The following GDI2 variants were observed in gnomAD, a reference collection of about 807,000 sequenced individuals.
The protein encoded by GDI2 is GDP dissociation inhibitor 2.
GDI2 carries 22 observed loss-of-function variants against 54.2 expected under a neutral mutation model. That is an observed-to-expected ratio of 0.41 (90% CI 0.29 to 0.58). The LOEUF is 0.58. Among genes scored for constraint, GDI2 ranks in the 20% least tolerant of loss-of-function variants. The pLI, the probability that GDI2 is intolerant of heterozygous loss-of-function variation, is 0.35. For missense variants in GDI2, 422 were observed against 546.0 expected (o/e 0.77, Z 2.26); for synonymous variants, 177 against 182.1 (o/e 0.97, Z 0.23).
chr10:5,796,905 A>T, intron 2 of GDI2, 43 bp from the exon 3 acceptor site: 3 of 935,252 alleles, frequency 3.2e-6, no homozygotes, highest in Admixed American at 1.9e-5. Context: ...AACAAAATTT[A>T]ATTTTTTATT....
At chr10:5,810,660 TTA>T (rs1300967903) in intron 1 of GDI2, among the ~76,000 whole-genome samples, 2 of 152,200 alleles carry the variant, frequency 1.3e-5, no homozygotes, top group African/African-American at 4.8e-5. Flanking sequence ...ATCAAGTAAA[TTA>T]TGTTTCTTAG....
chr10:5,782,752 G>C (rs1381414898), intron 6 of GDI2, among the ~76,000 whole-genome samples: 1 of 152,172 alleles, frequency 6.6e-6, no homozygotes, highest in African/African-American at 2.4e-5. Context: ...TGACCAACAT[G>C]GTGAAACCCC....
At chr10:5,782,861 G>A (rs937015558) in intron 6 of GDI2, among the ~76,000 whole-genome samples, 4 of 152,112 alleles carry the variant, frequency 2.6e-5, no homozygotes, top group African/African-American at 9.7e-5. Context: ...GGAACCCAGG[G>A]GGTGGAGGTT....
At chr10:5,798,382 G>A (rs1841193991) in intron 2 of GDI2, among the ~76,000 whole-genome samples, 1 of 150,380 alleles carries the variant, frequency 6.6e-6, no homozygotes, top group Non-Finnish European at 1.5e-5. Context: ...GAGACCAGGA[G>A]ATCGAGACCA....
At chr10:5,780,870 A>G (rs969304303) in intron 6 of GDI2, among the ~76,000 whole-genome samples, 3 of 152,232 alleles carry the variant, frequency 2.0e-5, no homozygotes. Flanking sequence ...TCAAAATCCC[A>G]ACAAGCATGT....
chr10:5,795,015 C>G lies in GDI2; in HGVS notation c.258G>C (p.Gln86His), dbSNP rs1209851717. ...CTGTATAAAGCAGCATCTTAACCAG[C>G]TGACCTAGAAAAGTCACATAATTCA... is the stretch of plus-strand genomic sequence containing the variant. ...LIPKFLMANG[Q>H]LVKMLLYTEV... The change falls in exon 4 of 11, where the codon CAG becomes CAC. Residue 86 changes from glutamine to histidine, a missense_variant. By Grantham distance (24) the Gln-to-His change is conservative (BLOSUM62 0). Coordinates refer to ENST00000380191, the MANE Select transcript of GDI2 (RefSeq NM_001494.4). The G allele has an allele frequency of 1.3e-6, 2 of 1,579,174 alleles. No individual in the cohort carries two copies. The highest frequency in any genetic ancestry group is 1.7e-6 in the Non-Finnish European group (2 of 1,149,790).
chr10:5,794,219 ATATATATATATAT>A (rs1841095019), intron 4 of GDI2, among the ~76,000 whole-genome samples: 1 of 127,296 alleles, frequency 7.9e-6, no homozygotes, highest in Non-Finnish European at 1.7e-5. Flanking sequence ...ATATATATAT[ATATATATATATAT>A]AAAACTCACC....
At position 5,785,884 on chromosome 10, in the gene GDI2, A is replaced by G. The variant is rs969051128; in HGVS notation, c.555T>C (p.Thr185=). Residue 185 remains threonine, a synonymous_variant, in exon 5 of 11, where the codon ACT becomes ACC. Coordinates refer to ENST00000380191, the MANE Select transcript of GDI2 (RefSeq NM_001494.4). ...TTCTGTAAAGTGCAAGAGCATGACCAGTAAAATCTATAACGTCTTGACCCA... is the reference window on the plus strand; with the variant it reads ...TTCTGTAAAGTGCAAGAGCATGACCGGTAAAATCTATAACGTCTTGACCCA... ...FDLGQDVIDF[T]GHALALYRTD... is the part of the protein sequence containing the mutation. 25 of 1,610,288 alleles carry G rather than the reference A, an allele frequency of 1.6e-5. No homozygotes were observed. In the Admixed American group the frequency reaches 2.0e-4, roughly 13 times the overall value.
chr10:5,766,476 TA>T lies in GDI2; in HGVS notation c.1136+17del. Reference sequence around the variant, plus strand: ...GCCTCAGTTTGCATCTCGGCAGATATAAAAGAACACAACTCACTTCTGTTCA... The same window carrying T: ...GCCTCAGTTTGCATCTCGGCAGATATAAAGAACACAACTCACTTCTGTTCA... On this transcript the variant is annotated intron_variant, in intron 9 of 10. Transcript: ENST00000380191. The surrounding 1 kb of genome is among the most constrained non-coding windows in gnomAD (Gnocchi z 5.8). The T allele has an allele frequency of 1.1e-5, 18 of 1,612,460 alleles. No homozygotes were observed. Among genetic ancestry groups the T allele is most frequent in the Non-Finnish European group, 1.5e-5 (18 of 1,179,508 alleles).
chr10:5,795,935 T>G (rs1021270953), intron 3 of GDI2, among the ~76,000 whole-genome samples: 1 of 151,194 alleles, frequency 6.6e-6, no homozygotes. Context: ...AAAAAATTAA[T>G]AAAAACAAAC....
At position 5,778,922 on chromosome 10, in the gene GDI2, C is replaced by G. The variant is rs564824495; in HGVS notation, c.720-4981G>C. Among the ~76,000 whole-genome samples, 5 of 152,284 alleles carry G rather than the reference C, an allele frequency of 3.3e-5. No individual in the cohort carries two copies. The East Asian group carries it at 9.6e-4, about 29-fold the overall frequency. On this transcript the variant is annotated intron_variant, in intron 6 of 10. Transcript: ENST00000380191. ...AAAACCAACTTTTCAGAGGAAGAAT[C>G]CGGCATCTCAACAAACTATCAATTC...
chr10:5,798,616 A>G (rs1841199397), intron 2 of GDI2, among the ~76,000 whole-genome samples: 1 of 151,122 alleles, frequency 6.6e-6, no homozygotes, highest in African/African-American at 2.4e-5. Context: ...AAAATTCATG[A>G]CTCCCTCAAT....
rs769275618 is a variant in GDI2 at position 5,766,630 on chromosome 10, C to T, written c.1000G>A (p.Val334Ile). ...TTGTGCGCAAAGGAGATCATGCAGA[C>T]GTAGATATCTAGAAACAAATGATAC... is the stretch of plus-strand genomic sequence containing the variant. Reference protein sequence around the residue: ...NQVNRKSDIYVCMISFAHNVA... With the variant: ...NQVNRKSDIYICMISFAHNVA... Residue 334 changes from valine to isoleucine, a missense_variant, in exon 9 of 11, where the codon GTC becomes ATC. Coordinates refer to ENST00000380191, the MANE Select transcript of GDI2 (RefSeq NM_001494.4). This position sits in a 1 kb window ranked among gnomAD's most constrained non-coding sequence, Gnocchi z 5.8. 6.8e-6 allele frequency: 11 copies of T among 1,613,342 alleles called. No homozygotes were observed. The African/African-American group carries it at 8.0e-5, about 12-fold the overall frequency.
At position 5,785,970 on chromosome 10, in the gene GDI2, T is replaced by C; in HGVS notation, c.469A>G (p.Thr157Ala). 2 of 1,612,658 alleles carry C rather than the reference T, an allele frequency of 1.2e-6. No homozygotes were observed. Among genetic ancestry groups the C allele is most frequent in the African/African-American group, 1.3e-5 (1 of 74,964 alleles). Reference sequence around the variant, plus strand: ...TTCTTAGGATCAATGCCTTCAAAAGTTCTTGGATCTTTTTCATCGAAGTTG... The same window carrying C: ...TTCTTAGGATCAATGCCTTCAAAAGCTCTTGGATCTTTTTCATCGAAGTTG... ...VANFDEKDPR[T>A]FEGIDPKKTT... Residue 157 changes from threonine to alanine, a missense_variant, in exon 5 of 11, where the codon ACT (threonine) becomes GCT (alanine). Physicochemically the swap from Thr to Ala is moderately conservative, Grantham distance 58 (BLOSUM62 0). Coordinates refer to ENST00000380191, the MANE Select transcript of GDI2 (RefSeq NM_001494.4).
At chr10:5,775,242 C>G (rs999112817) in intron 6 of GDI2, among the ~76,000 whole-genome samples, 1 of 152,088 alleles carries the variant, frequency 6.6e-6, no homozygotes, top group Non-Finnish European at 1.5e-5. Context: ...AAGTCGTGAT[C>G]ACACCACTGC....
chr10:5,811,692 G>A (rs1467935164), intron 1 of GDI2, among the ~76,000 whole-genome samples: 1 of 151,362 alleles, frequency 6.6e-6, no homozygotes, highest in Non-Finnish European at 1.5e-5. Flanking sequence ...AACCTGCAGT[G>A]GGTAGGGCCT....
chr10:5,775,707 A>G (rs1840602701), intron 6 of GDI2, among the ~76,000 whole-genome samples: 1 of 152,246 alleles, frequency 6.6e-6, no homozygotes. Flanking sequence ...AGGTTAGCAG[A>G]GATTATAGAG....
chr10:5,766,357 A>G lies in GDI2; in HGVS notation c.1137-62T>C. The G allele has an allele frequency of 6.7e-7, 1 of 1,488,648 alleles. No individual in the cohort carries two copies. The highest frequency in any genetic ancestry group is 9.4e-7 in the Non-Finnish European group (1 of 1,065,310). 92.2% of individuals were successfully genotyped at this position (1,488,648 alleles called of 1,614,324 possible). ...CCACACCTGACCATGGCTCTGCCTGAGGTCAACTGAGAGGTACAGATGAAT... is the reference window on the plus strand; with the variant it reads ...CCACACCTGACCATGGCTCTGCCTGGGGTCAACTGAGAGGTACAGATGAAT... On this transcript the variant is annotated intron_variant, in intron 9 of 10. Coordinates refer to ENST00000380191, the MANE Select transcript of GDI2 (RefSeq NM_001494.4). This position sits in a 1 kb window ranked among gnomAD's most constrained non-coding sequence, Gnocchi z 5.8.
At chr10:5,771,451 A>T (rs1272372723) in intron 7 of GDI2, among the ~76,000 whole-genome samples, 1 of 152,176 alleles carries the variant, frequency 6.6e-6, no homozygotes, top group Non-Finnish European at 1.5e-5. Context: ...TCCAGCTATC[A>T]TTACTGTTAG....
Sources: allele counts gnomAD v4.1 joint callset (sites outside exome capture counted in the v4.1 genomes callset), GRCh38; gene constraint gnomAD v4.1.1; non-coding constraint Gnocchi (gnomAD v3.1); transcripts MANE v1.5; gene names NCBI Gene and HGNC (gene_info 2026-07-23, HGNC 2026-07-21).